Variants in LRRIQ3 observed in about 807,000 individuals in gnomAD.
LRRIQ3 encodes the protein leucine-rich repeat and IQ domain-containing protein 3.
A neutral mutation model predicts 59.3 loss-of-function variants in LRRIQ3; 75 were observed. That is an observed-to-expected ratio of 1.26 (90% CI 1.05 to 1.53). The LOEUF is 1.53. Ranked by LOEUF, LRRIQ3 falls within the 40% of genes most tolerant of loss-of-function variation. The pLI is 0.00. For missense variants in LRRIQ3, 831 were observed against 710.0 expected, an observed-to-expected ratio of 1.17 and a Z score of -1.94; for synonymous variants, 250 against 231.3, an observed-to-expected ratio of 1.08 and a Z score of -0.73.
At chr1:74,152,093 A>C (rs1366991377) in intron 4 of LRRIQ3, among the ~76,000 whole-genome samples, 1 of 152,202 alleles carries the variant, frequency 6.6e-6, no homozygotes, top group East Asian at 1.9e-4. Flanking sequence ...AAATAAAATT[A>C]CACCTATTAT....
At chr1:74,143,961 T>C (rs1450655544) in intron 4 of LRRIQ3, among the ~76,000 whole-genome samples, 1 of 151,908 alleles carries the variant, frequency 6.6e-6, no homozygotes, top group African/African-American at 2.4e-5. Flanking sequence ...GATAATGCTA[T>C]TTTGAGTATT....
At chr1:74,185,476 C>G (rs1650301871) in intron 1 of LRRIQ3, among the ~76,000 whole-genome samples, 1 of 152,028 alleles carries the variant, frequency 6.6e-6, no homozygotes, top group Non-Finnish European at 1.5e-5. Context: ...GATCTTTTGT[C>G]CATTATATTT....
At chr1:74,026,991 A>G in intron 7 of LRRIQ3, 22 bp from the exon 8 acceptor site, 4 of 1,425,708 alleles carry the variant, frequency 2.8e-6, no homozygotes, top group Non-Finnish European at 3.8e-6. Context: ...AAGAAAGGTA[A>G]TAGAATGAGA....
chr1:74,041,867 T>A lies in LRRIQ3; in HGVS notation c.1064A>T (p.Lys355Ile). ...LDTSFRISVF[K>I]LPIYTSGSLK... ...TGAACCTGAAGTGTATATGGGTAGT[T>A]TGAAAACTGATATCCTAAAACTGGT... The change falls in exon 7 of 8, where the codon AAA becomes ATA. Residue 355 changes from lysine to isoleucine, a missense_variant. Transcript: ENST00000354431. The A allele has an allele frequency of 6.2e-7, 1 of 1,611,884 alleles. No homozygotes were observed. The highest frequency in any genetic ancestry group is 1.1e-5 in the South Asian group (1 of 90,698).
At chr1:74,035,409 T>A (rs765036116) in intron 7 of LRRIQ3, among the ~76,000 whole-genome samples, 104 of 152,140 alleles carry the variant, frequency 6.8e-4, no homozygotes, top group Non-Finnish European at 1.2e-3. Flanking sequence ...TTTATATGGG[T>A]CATGGTTTTA....
chr1:74,047,556 C>G (rs960936546), intron 6 of LRRIQ3, among the ~76,000 whole-genome samples: 1 of 151,882 alleles, frequency 6.6e-6, no homozygotes, highest in Non-Finnish European at 1.5e-5. Flanking sequence ...CAAACCTGCA[C>G]GTTCTGCACA....
In LRRIQ3 at chr1:74,109,478, G is replaced by A. The variant is rs1486471283; in HGVS notation, c.783C>T (p.Thr261=). 1.3e-6 allele frequency: 2 copies of A among 1,570,220 alleles called. No homozygotes were observed. The highest frequency in any genetic ancestry group is 1.9e-5 in the Admixed American group (1 of 52,514). ...TAAGGAGCTTATCTTCATACCCTTT[G>A]GTTATGTAAATCCATTTTGCTTCAT... ...RGYEAKWIYI[T]KGYEDKLLKD... is the part of the protein sequence containing the mutation. Residue 261 remains threonine (T), a synonymous_variant, in exon 5 of 8, where the codon ACC becomes ACT. Coordinates refer to ENST00000354431, the MANE Select transcript of LRRIQ3 (RefSeq NM_001105659.2).
chr1:74,171,309 G>A (rs551643118), intron 3 of LRRIQ3, among the ~76,000 whole-genome samples: 10 of 152,176 alleles, frequency 6.6e-5, no homozygotes, highest in African/African-American at 2.4e-4. Flanking sequence ...ATTGCATTGA[G>A]GGAAACTCTT....
intron 3 of LRRIQ3, among the ~76,000 whole-genome samples, chr1:74,168,259 T>C (rs1649113831): frequency 6.6e-6 from 1 of 152,052 alleles, no homozygotes; most frequent in Non-Finnish European, 1.5e-5. Flanking sequence ...ATTTTGTTGC[T>C]TTATTGTTTA....
intron 3 of LRRIQ3, among the ~76,000 whole-genome samples, chr1:74,162,167 C>G (rs1263016694): frequency 6.6e-6 from 1 of 151,740 alleles, no homozygotes; most frequent in African/African-American, 2.4e-5. Context: ...TATAGCAATA[C>G]TTAAAATGAT....
Position 74,155,820 on chromosome 1 carries a change from G to T in LRRIQ3, c.620C>A (p.Ser207Ter). The T allele has an allele frequency of 6.3e-7, 1 of 1,579,340 alleles. No homozygotes were observed. The highest frequency in any genetic ancestry group is 1.2e-5 in the South Asian group (1 of 83,492). ...ATGAGCCAGAATTGCATTAATTTTT[G>T]AAGTAATATGTTTAATATTATTAAT... The part of the protein sequence containing the change: ...EEINNIKHIT[S>*]KINAILAHNS... The change falls in exon 4 of 8, where the codon TCA (serine) becomes TAA (stop). Residue 207 changes from serine (S) to a stop codon, truncating the protein, a stop_gained. Coordinates refer to ENST00000354431, the MANE Select transcript of LRRIQ3 (RefSeq NM_001105659.2). LOFTEE classifies it high-confidence loss of function.
chr1:74,047,869 G>A (rs563116485), intron 6 of LRRIQ3, among the ~76,000 whole-genome samples: 1 of 152,218 alleles, frequency 6.6e-6, no homozygotes, highest in Non-Finnish European at 1.5e-5. Flanking sequence ...CTCAGAAACT[G>A]ATTAAGGTTA....
chr1:74,094,636 T>C (rs1421591917), intron 5 of LRRIQ3, among the ~76,000 whole-genome samples: 3 of 152,140 alleles, frequency 2.0e-5, no homozygotes, highest in Non-Finnish European at 4.4e-5. Flanking sequence ...TTTGTAGTAA[T>C]AGAAAACTAA....
intron 4 of LRRIQ3, among the ~76,000 whole-genome samples, chr1:74,155,169 T>A (rs990227219): frequency 1.3e-5 from 2 of 152,254 alleles, no homozygotes; most frequent in Admixed American, 6.5e-5. Flanking sequence ...ATAAGCTATA[T>A]GAATATTTTC....
At chr1:74,117,232 T>C (rs180842674) in intron 4 of LRRIQ3, among the ~76,000 whole-genome samples, 1 of 152,214 alleles carries the variant, frequency 6.6e-6, no homozygotes, top group Non-Finnish European at 1.5e-5. Context: ...ATGTGTATAT[T>C]TTATCACAAT....
chr1:74,133,096 C>A (rs889545828), intron 4 of LRRIQ3, among the ~76,000 whole-genome samples: 3 of 152,102 alleles, frequency 2.0e-5, no homozygotes, highest in Admixed American at 6.6e-5. Context: ...ATGCAGCCAA[C>A]GGACACATGA....
intron 3 of LRRIQ3, among the ~76,000 whole-genome samples, chr1:74,169,796 T>A (rs1557651204): frequency 6.6e-6 from 1 of 152,120 alleles, no homozygotes; most frequent in Non-Finnish European, 1.5e-5. Context: ...GTGATCCTTC[T>A]GCCTCAGCCT....
intron 4 of LRRIQ3, among the ~76,000 whole-genome samples, chr1:74,112,355 A>G (rs958058844): frequency 2.6e-5 from 4 of 152,132 alleles, no homozygotes; most frequent in Admixed American, 6.6e-5. Context: ...ATGTTAAGCA[A>G]TTAAGAGGAG....
chr1:74,043,214 G>T (rs1398948865), intron 6 of LRRIQ3, among the ~76,000 whole-genome samples: 1 of 152,080 alleles, frequency 6.6e-6, no homozygotes, highest in East Asian at 1.9e-4. Context: ...GGAGAAAAAG[G>T]TGTTTCTTGA....
Sources: gnomAD v4.1 joint callset for allele counts (sites outside exome capture counted in the v4.1 genomes callset) on GRCh38, gnomAD v4.1.1 for gene constraint, MANE v1.5 for transcripts, NCBI Gene and HGNC (gene_info 2026-07-23, HGNC 2026-07-21) for gene names.